The following RASIP1 variants were observed in gnomAD, a reference collection of about 807,000 sequenced individuals.
The protein encoded by RASIP1 is ras-interacting protein 1.
Under a neutral mutation model 85.3 loss-of-function variants are expected in RASIP1, and 20 were observed. That is an observed-to-expected ratio of 0.23 (90% CI 0.17 to 0.34). The LOEUF (loss-of-function observed/expected upper bound fraction) is 0.34, where lower values mean the gene tolerates loss of function less well. Among genes scored for constraint, RASIP1 ranks in the 10% least tolerant of loss-of-function variants. RASIP1 has a pLI of 1.00. For missense variants in RASIP1, 1,170 were observed against 1,390.9 expected, an observed-to-expected ratio of 0.84 and a Z score of 2.53; for synonymous variants, 617 against 647.1, an observed-to-expected ratio of 0.95 and a Z score of 0.71.
chr19:48,738,334 C>CA lies in RASIP1; in HGVS notation c.823+625dup, dbSNP rs1390755105. On this transcript the variant is annotated intron_variant, in intron 3 of 11. Transcript: ENST00000222145. The surrounding 1 kb of genome is among the most constrained non-coding windows in gnomAD (Gnocchi z 4.0). ...GATTTCTCTTTCTCCTAATTGGCCC[C>CA]AAGAGACCACATCAAAGGAGAGTAC... Among the ~76,000 whole-genome samples, 2 of 152,192 alleles carry CA rather than the reference C, an allele frequency of 1.3e-5. No homozygotes were observed. The highest frequency in any genetic ancestry group is 4.8e-5 in the African/African-American group (2 of 41,442).
intron 5 of RASIP1, among the ~76,000 whole-genome samples, chr19:48,727,694 T>TG (rs1257258969): frequency 2.7e-5 from 4 of 150,306 alleles, no homozygotes; most frequent in African/African-American, 9.8e-5. Flanking sequence ...TTTTTTTTTT[T>TG]TTTTTTTTTG....
chr19:48,721,738 G>C, intron 11 of RASIP1, 116 bp downstream of exon 11: 1 of 1,311,188 alleles, frequency 7.6e-7, no homozygotes, highest in Non-Finnish European at 1.0e-6. Flanking sequence ...GGGAGGCAGA[G>C]GTTGCAGTGA....
rs1360299184 is a variant in RASIP1, at chr19:48,740,458, TG to T, written c.-5+62del. ...CCTGGGTCCTGGGATGGAAGATGGC[TG>T]GGGGACTGAGTCTTGGGGCCCAGGG... On this transcript the variant is annotated intron_variant, in intron 1 of 11. Transcript: ENST00000222145. This position sits in a 1 kb window ranked among gnomAD's most constrained non-coding sequence, Gnocchi z 5.5. 2.0e-5 allele frequency: 28 copies of T among 1,395,148 alleles called. No individual in the cohort carries two copies. The highest frequency in any genetic ancestry group is 1.3e-4 in the Admixed American group (4 of 30,054). The allele number at this position is 1,395,148 out of a possible 1,614,324, so 86.4% of individuals were successfully genotyped here. A position where few individuals can be genotyped will look rare whatever the true frequency, so the allele number is the denominator to read the frequency against.
chr19:48,737,646 C>A (rs1165784644), intron 3 of RASIP1: 1 of 985,264 alleles, frequency 1.0e-6, no homozygotes, highest in Non-Finnish European at 1.2e-6. Flanking sequence ...GCAGGTGTCG[C>A]CCCCTTCTAT....
intron 4 of RASIP1, among the ~76,000 whole-genome samples, chr19:48,732,223 C>T (rs538601450): frequency 1.8e-3 from 266 of 151,588 alleles, no homozygotes; most frequent in African/African-American, 6.0e-3. Context: ...GACAGGCATA[C>T]ACCACCACAC....
chr19:48,725,376 A>G (rs1568476495), intron 8 of RASIP1: 2 of 170,790 alleles, frequency 1.2e-5, no homozygotes, highest in Non-Finnish European at 1.3e-5. Context: ...GAGGTCAGAA[A>G]CAGAAGAAAT....
chr19:48,736,855 C>T (rs539655005), intron 3 of RASIP1, among the ~76,000 whole-genome samples: 4 of 152,108 alleles, frequency 2.6e-5, no homozygotes, highest in Non-Finnish European at 4.4e-5. Context: ...ACCAACATGG[C>T]GAAACCCCCA....
Position 48,738,869 on chromosome 19 carries a change from G to T in RASIP1, c.823+91C>A. The T allele has an allele frequency of 3.8e-6, 2 of 524,458 alleles. No homozygotes were observed. The highest frequency in any genetic ancestry group is 2.3e-6 in the Non-Finnish European group (1 of 441,760). The allele number at this position is 524,458 out of a possible 1,614,324, so 32.5% of individuals were successfully genotyped here. A position where few individuals can be genotyped will look rare whatever the true frequency, so the allele number is the denominator to read the frequency against. ...CGCGGGCCCCGCCCCCAGCCAGCCC[G>T]CGAGTCCCACAAGCCCCGCCCAGGC... On this transcript the variant is annotated intron_variant, in intron 3 of 11. Transcript: ENST00000222145. This position sits in a 1 kb window ranked among gnomAD's most constrained non-coding sequence, Gnocchi z 4.0.
chr19:48,720,769 A>T lies in RASIP1; in HGVS notation c.*29T>A. Reference sequence around the variant, plus strand: ...GTCCGTAGAAGCCCGTGACATTTCAAGGTTCGCGCGCTCGTTTGGTATTGG... The same window carrying T: ...GTCCGTAGAAGCCCGTGACATTTCATGGTTCGCGCGCTCGTTTGGTATTGG... On this transcript the variant is annotated 3_prime_UTR_variant, in exon 12 of 12. Coordinates refer to ENST00000222145, the MANE Select transcript of RASIP1 (RefSeq NM_017805.3). 1 of 1,609,102 alleles carries T rather than the reference A, an allele frequency of 6.2e-7. No individual in the cohort carries two copies. Among genetic ancestry groups the T allele is most frequent in the Non-Finnish European group, 8.5e-7 (1 of 1,175,768 alleles).
chr19:48,720,762 C>T lies in RASIP1; in HGVS notation c.*36G>A, dbSNP rs1568473076. 2 of 1,603,344 alleles carry T rather than the reference C, an allele frequency of 1.2e-6. No homozygotes were observed. The highest frequency in any genetic ancestry group is 1.1e-5 in the South Asian group (1 of 90,836). ...GGCTCCTGTCCGTAGAAGCCCGTGA[C>T]ATTTCAAGGTTCGCGCGCTCGTTTG... On this transcript the variant is annotated 3_prime_UTR_variant, in exon 12 of 12. Coordinates refer to ENST00000222145, the MANE Select transcript of RASIP1 (RefSeq NM_017805.3).
rs751172020 is a variant in RASIP1 at position 48,735,434 on chromosome 19, C to T, written c.941G>A (p.Gly314Asp). 1.2e-6 allele frequency: 2 copies of T among 1,606,624 alleles called. No homozygotes were observed. Among genetic ancestry groups the T allele is most frequent in the East Asian group, 2.2e-5 (1 of 44,616 alleles). ...TGSGAPAGSG[G>D]KERSENLSLR... ...AGACAAGTTTTCTGAGCGCTCCTTG[C>T]CTCCAGACCCAGCTGGGGCCCCTGA... The change falls in exon 4 of 12, where the codon GGC (glycine) becomes GAC (aspartate). Residue 314 changes from glycine to aspartate, a missense_variant. Gly to Asp is a moderately conservative substitution (Grantham distance 94). Coordinates refer to ENST00000222145, the MANE Select transcript of RASIP1 (RefSeq NM_017805.3).
intron 11 of RASIP1, among the ~76,000 whole-genome samples, 192 bp downstream of exon 11, chr19:48,721,662 G>A (rs1454512314): frequency 6.6e-6 from 1 of 152,208 alleles, no homozygotes; most frequent in Admixed American, 6.5e-5. Flanking sequence ...AATTAGCCAG[G>A]CGTGGTGGCG....
chr19:48,721,338 TG>T (rs1311667701), intron 11 of RASIP1, among the ~76,000 whole-genome samples: 2 of 150,424 alleles, frequency 1.3e-5, no homozygotes, highest in Non-Finnish European at 1.5e-5. Flanking sequence ...GGGTGGCTGG[TG>T]GAGGGAATGG....
chr19:48,739,109 T>C lies in RASIP1; in HGVS notation c.674A>G (p.His225Arg). 7.5e-7 allele frequency: 1 copy of C among 1,329,198 alleles called. No individual in the cohort carries two copies. Among genetic ancestry groups the C allele is most frequent in the Non-Finnish European group, 9.6e-7 (1 of 1,045,536 alleles). The allele number at this position is 1,329,198 out of a possible 1,614,324, so 82.3% of individuals were successfully genotyped here. A position where few individuals can be genotyped will look rare whatever the true frequency, so the allele number is the denominator to read the frequency against. Residue 225 changes from histidine (H) to arginine (R), a missense_variant, in exon 3 of 12, where the codon CAC (histidine) becomes CGC (arginine). By Grantham distance (29) the His-to-Arg change is conservative. Coordinates refer to ENST00000222145, the MANE Select transcript of RASIP1 (RefSeq NM_017805.3). This position sits in a 1 kb window ranked among gnomAD's most constrained non-coding sequence, Gnocchi z 9.2. ...CTCGGAGTCGCCCAGCACGCGCAGG[T>C]GCTCCGCCCGCCACTCGCCGCTTCC... ...GVGSGEWRAEHLRVLGDSERP... is the reference protein window; with the variant it reads ...GVGSGEWRAERLRVLGDSERP...
rs182477301 is a variant in RASIP1 at position 48,732,086 on chromosome 19, G to C, written c.1180-2496C>G. The stretch of plus-strand genomic sequence containing the variant: ...TCTCTTTTTTTTTTTTCTTTTTTGA[G>C]ACAGGGTCTCTCACTCTGTCATCAG... On this transcript the variant is annotated intron_variant, in intron 4 of 11. Coordinates refer to ENST00000222145, the MANE Select transcript of RASIP1 (RefSeq NM_017805.3). Among the ~76,000 whole-genome samples, 86 of 145,130 alleles carry C rather than the reference G, an allele frequency of 5.9e-4. 1 individual carries two copies. Among genetic ancestry groups the C allele is most frequent in the African/African-American group, 2.1e-3 (82 of 39,154 alleles).
In RASIP1 at chr19:48,724,352, G is replaced by A. The variant is rs1601273048; in HGVS notation, c.2529C>T (p.Arg843=). ...CAGGAGTCACCTTGAGCAGGGAAGT[G>A]CGGGGCACACAGAGCAGGTTCACAG... ...SMAVNLLCVP[R]TSLLKASWSS... The change falls in exon 10 of 12, where the codon CGC becomes CGT. Residue 843 remains arginine, a synonymous_variant. Coordinates refer to ENST00000222145, the MANE Select transcript of RASIP1 (RefSeq NM_017805.3). The surrounding 1 kb of genome is among the most constrained non-coding windows in gnomAD (Gnocchi z 4.6). 6.2e-7 allele frequency: 1 copy of A among 1,614,060 alleles called. No homozygotes were observed. The highest frequency in any genetic ancestry group is 2.2e-5 in the East Asian group (1 of 44,878).
chr19:48,731,519 T>C (rs569828367), intron 4 of RASIP1, among the ~76,000 whole-genome samples: 6 of 152,324 alleles, frequency 3.9e-5, no homozygotes, highest in Non-Finnish European at 8.8e-5. Flanking sequence ...CCTCTTACCA[T>C]GGAGTGTTCC....
chr19:48,727,199 T>A (rs2033356704), intron 6 of RASIP1, 41 bp from the exon 7 acceptor site: 1 of 1,609,260 alleles, frequency 6.2e-7, no homozygotes, highest in Non-Finnish European at 8.5e-7. Context: ...TGCCCAACCC[T>A]CATCATAGTT....
At chr19:48,721,300 G>C (rs1364954369) in intron 11 of RASIP1, among the ~76,000 whole-genome samples, 1 of 152,056 alleles carries the variant, frequency 6.6e-6, no homozygotes, top group South Asian at 2.1e-4. Context: ...TGAAAGTCCC[G>C]AGACCTGGAC....
Sources: gnomAD v4.1 joint callset for allele counts (sites outside exome capture counted in the v4.1 genomes callset) on GRCh38, gnomAD v4.1.1 for gene constraint, Gnocchi (gnomAD v3.1) non-coding constraint, MANE v1.5 for transcripts, NCBI Gene and HGNC (gene_info 2026-07-23, HGNC 2026-07-21) for gene names.